PCDH7: variants seen among roughly 807,000 people sequenced by gnomAD.
PCDH7 encodes the protein protocadherin 7, also known as protocadherin-7.
PCDH7 carries 17 observed loss-of-function variants against 58.9 expected under a neutral mutation model. That is an observed-to-expected ratio of 0.29 (90% CI 0.20 to 0.43). PCDH7 has a LOEUF of 0.43. Ranked by LOEUF, PCDH7 falls within the 20% of genes least tolerant of loss-of-function variation. The pLI is 1.00. For synonymous variants in PCDH7, 664 were observed against 616.4 expected, an observed-to-expected ratio of 1.08 and a Z score of -1.14; for missense variants, 1,274 against 1,441.0, an observed-to-expected ratio of 0.88 and a Z score of 1.88.
At position 31,106,254 on chromosome 4, in the gene PCDH7, G is replaced by A. The variant is rs11941831; in HGVS notation, c.*8-36219G>A. ...ATTGATCTTGTGTCTGTGCTAGGAAGAGGCTTTCTTGAGGTGAAACCTTAA... is the reference window on the plus strand; with the variant it reads ...ATTGATCTTGTGTCTGTGCTAGGAAAAGGCTTTCTTGAGGTGAAACCTTAA... On this transcript the variant is annotated intron_variant, in intron 3 of 3. Coordinates refer to the PCDH7 transcript ENST00000509759. Among the ~76,000 whole-genome samples, 315 of 152,224 alleles carry A rather than the reference G, an allele frequency of 2.1e-3. 1 individual carries two copies. The highest frequency in any genetic ancestry group is 7.1e-3 in the African/African-American group (296 of 41,542).
chr4:31,040,565 T>C (rs917547874), intron 3 of PCDH7, among the ~76,000 whole-genome samples: 1 of 152,206 alleles, frequency 6.6e-6, no homozygotes, highest in African/African-American at 2.4e-5. Context: ...TTTCGGTATA[T>C]AGGGCATATT....
At chr4:30,840,776 G>C (rs1578006883) in intron 1 of PCDH7, among the ~76,000 whole-genome samples, 1 of 152,094 alleles carries the variant, frequency 6.6e-6, no homozygotes. Context: ...TGTAGACCCA[G>C]CCATCTGCAT....
intron 3 of PCDH7, among the ~76,000 whole-genome samples, chr4:31,020,456 A>G (rs1753937198): frequency 6.6e-6 from 1 of 152,204 alleles, no homozygotes; most frequent in African/African-American, 2.4e-5. Flanking sequence ...GAGACACTGG[A>G]TATTAAAACA....
At chr4:31,034,617 A>C (rs966522402) in intron 3 of PCDH7, among the ~76,000 whole-genome samples, 6 of 152,200 alleles carry the variant, frequency 3.9e-5, no homozygotes, top group African/African-American at 1.2e-4. Flanking sequence ...CATTTTACCT[A>C]CTAGTAATGC....
intron 3 of PCDH7, among the ~76,000 whole-genome samples, chr4:31,017,615 ACACTATCACCAC>A (rs1486307219): frequency 6.6e-6 from 1 of 152,158 alleles, no homozygotes. Flanking sequence ...ACCTACATAC[ACACTATCACCAC>A]CACTACCACC....
chr4:31,145,735 C>G (rs1280252888), downstream of PCDH7: 1 of 152,072 alleles, frequency 6.6e-6, no homozygotes, highest in African/African-American at 2.4e-5. Context: ...TTAATATGGG[C>G]TGCTTAAATC....
intron 3 of PCDH7, among the ~76,000 whole-genome samples, chr4:31,083,623 C>T (rs1287876321): frequency 6.6e-6 from 1 of 152,112 alleles, no homozygotes; most frequent in Non-Finnish European, 1.5e-5. Context: ...AGGAGACATC[C>T]CAGGATGTTG....
chr4:30,780,533 CA>C (rs1722641689), intron 1 of PCDH7, among the ~76,000 whole-genome samples: 1 of 148,064 alleles, frequency 6.8e-6, no homozygotes, highest in South Asian at 2.1e-4. Flanking sequence ...AAGCAAGAAA[CA>C]AATAAAATAG....
chr4:30,741,330 A>T (rs893587518), intron 1 of PCDH7, among the ~76,000 whole-genome samples: 1 of 150,912 alleles, frequency 6.6e-6, no homozygotes, highest in Non-Finnish European at 1.5e-5. Context: ...AACTGGTGCT[A>T]CAAGTGTGTG....
rs141722328 is a variant in PCDH7, at chr4:30,722,987, T to C, written c.1565T>C (p.Ile522Thr). 199 of 1,613,768 alleles carry C rather than the reference T, an allele frequency of 1.2e-4. No homozygotes were observed. The highest frequency in any genetic ancestry group is 4.9e-4 in the Middle Eastern group (3 of 6,062). The change falls in exon 1 of 2, where the codon ATT (isoleucine) becomes ACT (threonine). Residue 522 changes from isoleucine to threonine, a missense_variant. Around this residue, in one of 3 missense-constraint regions of PCDH7, gnomAD observed 731 missense variants for 881.9 expected, o/e 0.83. Coordinates refer to ENST00000361762, the Ensembl canonical transcript of PCDH7. The surrounding 1 kb of genome is among the most constrained non-coding windows in gnomAD (Gnocchi z 7.6). The stretch of plus-strand genomic sequence containing the variant: ...AGCCTCTCGAGCAACAACTCCCTGA[T>C]TGTCAAGGTGGGAGACACCAACGAC...
At chr4:31,029,159 A>G (rs1191672411) in intron 3 of PCDH7, among the ~76,000 whole-genome samples, 1 of 152,196 alleles carries the variant, frequency 6.6e-6, no homozygotes, top group Non-Finnish European at 1.5e-5. Context: ...ACTGCTAATC[A>G]TTTGTGCTCT....
chr4:30,834,999 T>G (rs1479398268), intron 1 of PCDH7, among the ~76,000 whole-genome samples: 1 of 151,418 alleles, frequency 6.6e-6, no homozygotes, highest in African/African-American at 2.4e-5. Context: ...TGCAATAAAG[T>G]GAGAATAGGA....
intron 3 of PCDH7, among the ~76,000 whole-genome samples, chr4:31,079,335 T>G (rs1200530263): frequency 4.4e-5 from 3 of 68,272 alleles, no homozygotes; most frequent in South Asian, 4.4e-4. Context: ...TATATATATA[T>G]ATATATATAT....
chr4:31,018,127 AAAG>A (rs760912856), intron 3 of PCDH7, among the ~76,000 whole-genome samples: 53 of 152,304 alleles, frequency 3.5e-4, no homozygotes, highest in Admixed American at 7.2e-4. Context: ...AAAGGCTGAA[AAAG>A]AAGATTATCA....
intron 1 of PCDH7, among the ~76,000 whole-genome samples, chr4:30,842,123 C>T (rs1432473777): frequency 6.6e-6 from 1 of 152,090 alleles, no homozygotes; most frequent in African/African-American, 2.4e-5. Flanking sequence ...TCAAGTCTTC[C>T]ACCTCTGCTC....
chr4:30,752,135 C>T (rs1560331965), intron 1 of PCDH7, among the ~76,000 whole-genome samples: 1 of 150,716 alleles, frequency 6.6e-6, no homozygotes, highest in African/African-American at 2.4e-5. Context: ...CTTTCTTTCC[C>T]TTTTTTTTTC....
At chr4:30,840,636 A>T (rs751914640) in intron 1 of PCDH7, among the ~76,000 whole-genome samples, 1 of 152,300 alleles carries the variant, frequency 6.6e-6, no homozygotes, top group Non-Finnish European at 1.5e-5. Flanking sequence ...AACTACGCAG[A>T]GGGCAAATTC....
rs550362856 is a variant in PCDH7, at chr4:30,993,739, AT to A, written c.*7+43535del. On this transcript the variant is annotated intron_variant, in intron 3 of 3. Transcript: ENST00000509759. The stretch of plus-strand genomic sequence containing the variant: ...GATTTGAAGACCATCTTCAATTTAG[AT>A]TTTTTTTTTTGGCCAAATAGTGATA... Among the ~76,000 whole-genome samples the A allele has an allele frequency of 4.4e-3, 651 of 148,122 alleles. 2 individuals are homozygous for A. Among genetic ancestry groups the A allele is most frequent in the African/African-American group, 0.014 (588 of 40,666 alleles).
At chr4:30,810,044 T>G (rs560548474) in intron 1 of PCDH7, among the ~76,000 whole-genome samples, 178 of 152,350 alleles carry the variant, frequency 1.2e-3, no homozygotes, top group Non-Finnish European at 1.9e-4. Flanking sequence ...ACTTCACTTT[T>G]GTAGTTCTTT....
Sources: gnomAD v4.1 joint callset for allele counts (sites outside exome capture counted in the v4.1 genomes callset) on GRCh38, gnomAD v4.1.1 for gene constraint, gnomAD v4.1.1 regional missense constraint, Gnocchi (gnomAD v3.1) non-coding constraint, MANE v1.5 for transcripts, NCBI Gene and HGNC (gene_info 2026-07-23, HGNC 2026-07-21) for gene names.